Variants in TMEM232 observed in about 807,000 individuals in gnomAD.
TMEM232 encodes the protein transmembrane protein 232.
A neutral mutation model predicts 78.8 loss-of-function variants in TMEM232; 80 were observed. The observed-to-expected ratio is 1.01, with a 90% CI of 0.85 to 1.22. The LOEUF is 1.22. TMEM232 is among the 50% of genes most tolerant of loss of function. The probability of loss-of-function intolerance (pLI) is 0.00; values close to 1 mark genes in which losing one functional copy is unlikely to be tolerated. For missense variants in TMEM232, 881 were observed against 742.2 expected, an observed-to-expected ratio of 1.19 and a Z score of -2.17; for synonymous variants, 297 against 254.3, an observed-to-expected ratio of 1.17 and a Z score of -1.60.
At chr5:110,661,431 T>C (rs116436238) in intron 2 of TMEM232, among the ~76,000 whole-genome samples, 1,782 of 152,052 alleles carry the variant, frequency 0.012, 46 homozygotes, top group African/African-American at 0.04. Flanking sequence ...CCCCACCTCA[T>C]CTTCCTGGGT....
rs918526517 is a variant in TMEM232, at chr5:110,420,807, T to C, written c.1798-51A>G. 6.7e-6 allele frequency: 10 copies of C among 1,481,830 alleles called. No homozygotes were observed. The East Asian group carries it at 2.1e-4, about 31-fold the overall frequency. The allele number at this position is 1,481,830 out of a possible 1,614,324, so 91.8% of individuals were successfully genotyped here. On this transcript the variant is annotated intron_variant, in intron 13 of 13. Transcript: ENST00000455884. ...ACATGATTTTCCATGAAAAAATGCA[T>C]ATCAGTTTAGCTGCTCAAAATGCAG... is the stretch of plus-strand genomic sequence containing the variant.
chr5:110,679,266 T>C (rs181259750), intron 1 of TMEM232, among the ~76,000 whole-genome samples: 10 of 152,354 alleles, frequency 6.6e-5, no homozygotes, highest in Non-Finnish European at 1.3e-4. Context: ...TTTGCATTTC[T>C]CTGATGACTT....
intron 12 of TMEM232, among the ~76,000 whole-genome samples, chr5:110,490,319 C>G (rs529800395): frequency 1.3e-5 from 2 of 152,020 alleles, no homozygotes; most frequent in East Asian, 3.9e-4. Context: ...AAGAGAAGTA[C>G]AAGACTTATA....
downstream of TMEM232, among the ~76,000 whole-genome samples, chr5:110,418,499 G>T (rs933178430): frequency 6.6e-6 from 1 of 151,908 alleles, no homozygotes; most frequent in Non-Finnish European, 1.5e-5. Flanking sequence ...TAAGAATAAA[G>T]GTGTCAGTAT....
intron 2 of TMEM232, among the ~76,000 whole-genome samples, chr5:110,408,682 G>C (rs897141711): frequency 2.0e-5 from 3 of 151,812 alleles, no homozygotes; most frequent in Non-Finnish European, 4.4e-5. Flanking sequence ...CAAATTTTTG[G>C]TTAGACTTAG....
chr5:110,570,608 C>T (rs1002949343), intron 10 of TMEM232, among the ~76,000 whole-genome samples: 20 of 151,792 alleles, frequency 1.3e-4, no homozygotes, highest in South Asian at 8.3e-4. Flanking sequence ...AAAGTGCAGA[C>T]GAAGATATTG....
chr5:110,661,873 A>C (rs967044882), intron 2 of TMEM232, among the ~76,000 whole-genome samples: 5 of 152,120 alleles, frequency 3.3e-5, no homozygotes, highest in Non-Finnish European at 5.9e-5. Context: ...TTGTGGGTTT[A>C]ATTTACATTT....
chr5:110,680,625 C>T (rs1792616103), intron 1 of TMEM232, among the ~76,000 whole-genome samples: 4 of 151,844 alleles, frequency 2.6e-5, no homozygotes, highest in Admixed American at 6.6e-5. Flanking sequence ...TATTCTAAAG[C>T]AGAAAACCTT....
chr5:110,700,488 C>G (rs1795301664), intron 1 of TMEM232, among the ~76,000 whole-genome samples: 1 of 152,160 alleles, frequency 6.6e-6, no homozygotes, highest in East Asian at 1.9e-4. Context: ...ACAACTCCAG[C>G]AACTCACTGG....
Position 110,486,888 on chromosome 5 carries a change from T to C in TMEM232, c.1703+41700A>G, listed in dbSNP as rs182970856. On this transcript the variant is annotated intron_variant, in intron 12 of 13. Coordinates refer to ENST00000455884, the MANE Select transcript of TMEM232 (RefSeq NM_001039763.4). ...GTATTTTGATGGGGAATGCATTGAA[T>C]TTGTAGATTGCTTTTGGCAGTCTGG... is the stretch of plus-strand genomic sequence containing the variant. Among the ~76,000 whole-genome samples, 6 of 152,222 alleles carry C rather than the reference T, an allele frequency of 3.9e-5. No homozygotes were observed. In the East Asian group the frequency reaches 1.2e-3, roughly 29 times the overall value.
intron 2 of TMEM232, among the ~76,000 whole-genome samples, chr5:110,657,579 T>C (rs1164577352): frequency 6.6e-6 from 1 of 152,118 alleles, no homozygotes; most frequent in African/African-American, 2.4e-5. Context: ...AGAATTGTTG[T>C]TACCAGAGGC....
At chr5:110,448,451 C>T (rs1348098652) in intron 12 of TMEM232, among the ~76,000 whole-genome samples, 1 of 151,928 alleles carries the variant, frequency 6.6e-6, no homozygotes, top group East Asian at 1.9e-4. Context: ...AACACCTAGC[C>T]AATAGTTCTA....
At chr5:110,502,869 A>G (rs1323911021) in intron 12 of TMEM232, among the ~76,000 whole-genome samples, 2 of 152,118 alleles carry the variant, frequency 1.3e-5, no homozygotes, top group African/African-American at 2.4e-5. Context: ...CCTTTCCTCA[A>G]AGAGATCTTT....
chr5:110,645,668 A>C (rs2150035929), intron 2 of TMEM232, among the ~76,000 whole-genome samples: 1 of 151,776 alleles, frequency 6.6e-6, no homozygotes, highest in East Asian at 1.9e-4. Context: ...TATACAAGAC[A>C]AGGATGCCCA....
intron 10 of TMEM232, among the ~76,000 whole-genome samples, chr5:110,593,242 T>G (rs1779745534): frequency 6.6e-6 from 1 of 152,200 alleles, no homozygotes; most frequent in Non-Finnish European, 1.5e-5. Flanking sequence ...ATATTTGAGC[T>G]AGGAAGATTT....
In TMEM232 at chr5:110,398,461, G is replaced by C. The variant is rs575143736; in HGVS notation, n.309-607C>G. 4.6e-5 allele frequency among the ~76,000 whole-genome samples: 7 copies of C among 152,258 alleles called. No homozygotes were observed. In the East Asian group the frequency reaches 1.4e-3, roughly 29 times the overall value. ...AAAAGTGCTCCAGGTTTGAGGATAGGAGCAGAGGCTATGGTTGGTGCCACA... is the reference window on the plus strand; with the variant it reads ...AAAAGTGCTCCAGGTTTGAGGATAGCAGCAGAGGCTATGGTTGGTGCCACA... On this transcript the variant is annotated intron_variant and non_coding_transcript_variant, in intron 2 of 8. Transcript: ENST00000507188.
chr5:110,527,328 A>G (rs113736653), intron 12 of TMEM232, among the ~76,000 whole-genome samples: 12 of 152,042 alleles, frequency 7.9e-5, no homozygotes, highest in African/African-American at 2.9e-4. Context: ...ATATTAATCC[A>G]AATTACTTCT....
At chr5:110,422,790 C>G (rs867471211) in intron 13 of TMEM232, among the ~76,000 whole-genome samples, 3 of 152,040 alleles carry the variant, frequency 2.0e-5, no homozygotes, top group Admixed American at 2.0e-4. Flanking sequence ...AGCATACTTT[C>G]TTTTTGTCTC....
chr5:110,479,578 C>A (rs568794591), intron 12 of TMEM232, among the ~76,000 whole-genome samples: 1 of 151,706 alleles, frequency 6.6e-6, no homozygotes, highest in Non-Finnish European at 1.5e-5. Flanking sequence ...TTCTTTGGAT[C>A]AACAGTATTT....
Sources: allele counts gnomAD v4.1 joint callset (sites outside exome capture counted in the v4.1 genomes callset), GRCh38; gene constraint gnomAD v4.1.1; transcripts MANE v1.5; gene names NCBI Gene and HGNC (gene_info 2026-07-23, HGNC 2026-07-21).